The following SLC36A3 variants were observed in gnomAD, a reference collection of about 807,000 sequenced individuals.
SLC36A3 encodes the protein solute carrier family 36 member 3.
Under a neutral mutation model 44.3 loss-of-function variants are expected in SLC36A3, and 35 were observed. The observed-to-expected ratio is 0.79, with a 90% CI of 0.60 to 1.05. The LOEUF (loss-of-function observed/expected upper bound fraction) is 1.05, where lower values mean the gene tolerates loss of function less well. SLC36A3 is among the 50% of genes least tolerant of loss of function. SLC36A3 has a pLI of 0.00. For missense variants in SLC36A3, 540 were observed against 578.7 expected, an observed-to-expected ratio of 0.93 and a Z score of 0.69; for synonymous variants, 211 against 227.6, an observed-to-expected ratio of 0.93 and a Z score of 0.66.
intron 5 of SLC36A3, 103 bp downstream of exon 5, chr5:151,288,282 GA>G: frequency 1.3e-6 from 1 of 779,258 alleles, no homozygotes; most frequent in Non-Finnish European, 1.9e-6. Context: ...GAGTAGAAAT[GA>G]AGTTCTCTCC....
chr5:151,287,153 C>A, intron 6 of SLC36A3, 93 bp downstream of exon 6: 1 of 1,308,460 alleles, frequency 7.6e-7, no homozygotes, highest in Non-Finnish European at 1.1e-6. Flanking sequence ...GATCACCTTC[C>A]TCAGCTTCAC....
chr5:151,295,799 G>T (rs1754937355), intron 3 of SLC36A3, among the ~76,000 whole-genome samples: 2 of 152,208 alleles, frequency 1.3e-5, no homozygotes, highest in Admixed American at 6.5e-5. Context: ...CCCTGACAAG[G>T]TGTGGGTATT....
intron 1 of SLC36A3, among the ~76,000 whole-genome samples, chr5:151,299,260 C>A (rs1416809153): frequency 0.17 from 10,382 of 62,570 alleles, 532 homozygotes; most frequent in East Asian, 0.32. Flanking sequence ...CTCTCTCTCT[C>A]TCTCTATATA....
chr5:151,285,355 G>A lies in SLC36A3; in HGVS notation c.709-644C>T, dbSNP rs75208246. Among the ~76,000 whole-genome samples the A allele has an allele frequency of 5.2e-3, 789 of 152,308 alleles. 2 individuals are homozygous for A. Among genetic ancestry groups the A allele is most frequent in the Non-Finnish European group, 8.7e-3 (591 of 68,032 alleles). On this transcript the variant is annotated intron_variant, in intron 6 of 9. Coordinates refer to ENST00000335230, the MANE Select transcript of SLC36A3 (RefSeq NM_181774.4). ...GGGAGCCCGCTCATCTCTACATGTG[G>A]AGAAAGTGGAACACAGAGGAGAGGG...
At chr5:151,290,087 CAT>C (rs1434796780) in intron 4 of SLC36A3, among the ~76,000 whole-genome samples, 4 of 152,226 alleles carry the variant, frequency 2.6e-5, no homozygotes, top group East Asian at 1.9e-4. Flanking sequence ...ACAACAGACA[CAT>C]GTTAATTATT....
At chr5:151,285,211 G>A (rs779203517) in intron 6 of SLC36A3, among the ~76,000 whole-genome samples, 7 of 152,322 alleles carry the variant, frequency 4.6e-5, no homozygotes, top group Admixed American at 1.3e-4. Context: ...TGTGGTATGT[G>A]TCACTGTCTC....
intron 1 of SLC36A3, among the ~76,000 whole-genome samples, chr5:151,301,215 G>A (rs1479720451): frequency 6.6e-6 from 1 of 152,066 alleles, no homozygotes; most frequent in Non-Finnish European, 1.5e-5. Context: ...TTGACTATTG[G>A]TATCACCCCT....
At chr5:151,290,906 G>C (rs951675583) in intron 4 of SLC36A3, among the ~76,000 whole-genome samples, 1 of 151,400 alleles carries the variant, frequency 6.6e-6, no homozygotes, top group South Asian at 2.1e-4. Context: ...TAATAATTCA[G>C]TATGTAGCTG....
intron 2 of SLC36A3, 148 bp downstream of exon 2, chr5:151,298,445 C>A: frequency 2.7e-6 from 2 of 730,176 alleles, no homozygotes; most frequent in South Asian, 3.6e-5. Flanking sequence ...CCCAGGTTGA[C>A]TCCAGGGGAT....
intron 4 of SLC36A3, among the ~76,000 whole-genome samples, chr5:151,290,175 C>G (rs773992908): frequency 8.5e-5 from 13 of 152,054 alleles, no homozygotes; most frequent in Non-Finnish European, 1.6e-4. Flanking sequence ...TTTGGAGATG[C>G]ATTTTTCTAA....
rs6887412 is a variant in SLC36A3, at chr5:151,303,414, T to C, written c.-60A>G. Reference sequence around the variant, plus strand: ...GTTAAGGCTCTGAATGAGCCTCTGATGGGTCTTTCTCCAGAGAAACCATGG... The same window carrying C: ...GTTAAGGCTCTGAATGAGCCTCTGACGGGTCTTTCTCCAGAGAAACCATGG... On this transcript the variant is annotated 5_prime_UTR_variant, in exon 1 of 10. Transcript: ENST00000335230. 0.41 allele frequency: 633,704 copies of C among 1,551,444 alleles called. 136,075 individuals carry two copies. The highest frequency in any genetic ancestry group is 0.72 in the African/African-American group (52,827 of 73,456).
At position 151,284,029 on chromosome 5, in the gene SLC36A3, G is replaced by A. The variant is rs561148569; in HGVS notation, c.974+15C>T. ...AGTGTCTCTCCCTATCTCACCTGAG[G>A]TGGGCAGGACATACCAGCAATTGGG... is the stretch of plus-strand genomic sequence containing the variant. On this transcript the variant is annotated intron_variant, in intron 8 of 9. Transcript: ENST00000335230. The A allele has an allele frequency of 6.3e-7, 1 of 1,599,464 alleles. No individual in the cohort carries two copies. The highest frequency in any genetic ancestry group is 8.5e-7 in the Non-Finnish European group (1 of 1,174,480).
intron 1 of SLC36A3, among the ~76,000 whole-genome samples, chr5:151,300,005 T>C (rs753847824): frequency 1.4e-4 from 22 of 152,240 alleles, no homozygotes; most frequent in Non-Finnish European, 2.6e-4. Context: ...ATTGGGATGA[T>C]AGGAAAAAGG....
intron 1 of SLC36A3, among the ~76,000 whole-genome samples, chr5:151,299,535 C>T (rs1056060006): frequency 3.3e-5 from 5 of 152,030 alleles, no homozygotes; most frequent in South Asian, 2.1e-4. Context: ...ATATTCTTCA[C>T]ACCTGTGCTG....
Position 151,287,423 on chromosome 5 carries a change from G to A in SLC36A3, c.531C>T (p.Pro177=). 3.7e-6 allele frequency: 6 copies of A among 1,614,076 alleles called. No homozygotes were observed. Among genetic ancestry groups the A allele is most frequent in the Non-Finnish European group, 5.1e-6 (6 of 1,179,982 alleles). ...KAHVTSNICQ[P]REILTLTPIL... ...TGGGGGTCAGCGTCAGAATCTCCCT[G>A]GGCTGGCAGATGTTGGAGGTCACGT... The change falls in exon 6 of 10, where the codon CCC becomes CCT. Residue 177 remains proline, a synonymous_variant. Coordinates refer to ENST00000335230, the MANE Select transcript of SLC36A3 (RefSeq NM_181774.4).
intron 1 of SLC36A3, among the ~76,000 whole-genome samples, chr5:151,301,329 T>C (rs954865803): frequency 6.6e-6 from 1 of 152,196 alleles, no homozygotes; most frequent in Non-Finnish European, 1.5e-5. Context: ...ATGCAGCCTC[T>C]GGCTCCAGGA....
At chr5:151,292,759 G>A (rs1172207171) in intron 4 of SLC36A3, among the ~76,000 whole-genome samples, 1 of 152,194 alleles carries the variant, frequency 6.6e-6, no homozygotes, top group Non-Finnish European at 1.5e-5. Context: ...CGAGGCAGGC[G>A]GGTCATCTGA....
Position 151,303,236 on chromosome 5 carries a change from G to A in SLC36A3, c.119C>T (p.Ala40Val), listed in dbSNP as rs375819646. The change falls in exon 1 of 10, where the codon GCT becomes GTT. Residue 40 changes from alanine (A) to valine (V), a missense_variant. Coordinates refer to ENST00000335230, the MANE Select transcript of SLC36A3 (RefSeq NM_181774.4). ...CGGTGCGGCCACTTACGATAGTCCA[G>A]CTTCTCCAGCAGGATGGACATTCTC... is the stretch of plus-strand genomic sequence containing the variant. ...TSENVHPAGE[A>V]GLSMMQTLIH... is the part of the protein sequence containing the mutation. 1.9e-6 allele frequency: 3 copies of A among 1,613,082 alleles called. No homozygotes were observed. Among genetic ancestry groups the A allele is most frequent in the African/African-American group, 1.3e-5 (1 of 74,924 alleles).
chr5:151,290,411 G>A (rs1385723213), intron 4 of SLC36A3, among the ~76,000 whole-genome samples: 2 of 152,080 alleles, frequency 1.3e-5, no homozygotes, highest in East Asian at 1.9e-4. Flanking sequence ...ATATACAAAA[G>A]CAATGAATAA....
Sources: allele counts gnomAD v4.1 joint callset (sites outside exome capture counted in the v4.1 genomes callset), GRCh38; gene constraint gnomAD v4.1.1; transcripts MANE v1.5; gene names NCBI Gene and HGNC (gene_info 2026-07-23, HGNC 2026-07-21).